The following PDE10A variants were observed in gnomAD, a reference collection of about 807,000 sequenced individuals.
The protein encoded by PDE10A is phosphodiesterase 10A.
PDE10A carries 39 observed loss-of-function variants against 97.7 expected under a neutral mutation model. The ratio of observed to expected loss-of-function variants is 0.40; its 90% CI spans 0.31 to 0.52. The LOEUF (loss-of-function observed/expected upper bound fraction) is 0.52. Among genes scored for constraint, PDE10A ranks in the 20% least tolerant of loss-of-function variants. The pLI is 0.56. For synonymous variants in PDE10A, 371 were observed against 376.8 expected (o/e 0.98, Z 0.18); for missense variants, 731 against 1,047.8 (o/e 0.70, Z 4.17).
chr6:165,894,165 G>A, intron 1 of PDE10A: 1 of 374,002 alleles, frequency 2.7e-6, no homozygotes, highest in Non-Finnish European at 5.3e-6. Flanking sequence ...TATGACAGCT[G>A]ATTTAGGAAC....
intron 5 of PDE10A, among the ~76,000 whole-genome samples, chr6:165,447,709 A>C (rs965078587): frequency 1.3e-5 from 2 of 152,230 alleles, no homozygotes; most frequent in African/African-American, 2.4e-5. Context: ...CAGTGTCTGA[A>C]ATATAGTTTA....
intron 1 of PDE10A, among the ~76,000 whole-genome samples, chr6:165,828,486 A>C (rs1028901009): frequency 1.3e-5 from 2 of 152,258 alleles, no homozygotes; most frequent in Non-Finnish European, 2.9e-5. Flanking sequence ...GTGTACATAC[A>C]TACACACATG....
At chr6:165,349,272 A>C (rs1352264493) in intron 18 of PDE10A, among the ~76,000 whole-genome samples, 1 of 152,160 alleles carries the variant, frequency 6.6e-6, no homozygotes, top group Non-Finnish European at 1.5e-5. Context: ...TTTGACCAAA[A>C]TGCTGACAGT....
intron 1 of PDE10A, among the ~76,000 whole-genome samples, chr6:165,640,585 A>C (rs1213331310): frequency 6.6e-6 from 1 of 152,244 alleles, no homozygotes; most frequent in Non-Finnish European, 1.5e-5. Context: ...ACCATTAGCC[A>C]TTAATAAGTG....
chr6:165,451,797 C>A (rs1270423816), intron 3 of PDE10A, among the ~76,000 whole-genome samples: 2 of 152,144 alleles, frequency 1.3e-5, no homozygotes, highest in Non-Finnish European at 2.9e-5. Context: ...GTGGAACAAA[C>A]CATTAAAGAT....
chr6:165,933,920 G>A (rs1464011649), intron 1 of PDE10A, among the ~76,000 whole-genome samples: 3 of 151,984 alleles, frequency 2.0e-5, no homozygotes, highest in African/African-American at 7.3e-5. Context: ...AGAGGGGTTT[G>A]TGAACATAAA....
intron 1 of PDE10A, among the ~76,000 whole-genome samples, chr6:165,676,113 GAAAC>G (rs1790787791): frequency 6.6e-6 from 1 of 152,122 alleles, no homozygotes; most frequent in Admixed American, 6.5e-5. Context: ...TATCTTAACT[GAAAC>G]AACTCAAAAC....
intron 2 of PDE10A, among the ~76,000 whole-genome samples, chr6:165,516,057 T>G (rs1781787098): frequency 6.6e-6 from 1 of 152,188 alleles, no homozygotes; most frequent in Non-Finnish European, 1.5e-5. Context: ...CTTTAAGAAT[T>G]TATCTCATCC....
intron 5 of PDE10A, among the ~76,000 whole-genome samples, chr6:165,444,729 A>G (rs1398973093): frequency 6.6e-6 from 1 of 151,854 alleles, no homozygotes; most frequent in African/African-American, 2.4e-5. Context: ...AACACATAGA[A>G]CTTTTTTCCT....
chr6:165,724,651 G>A (rs1230773406), intron 1 of PDE10A, among the ~76,000 whole-genome samples: 1 of 152,186 alleles, frequency 6.6e-6, no homozygotes, highest in Non-Finnish European at 1.5e-5. Context: ...AGGCTTACAA[G>A]AATAACTAAT....
intron 1 of PDE10A, among the ~76,000 whole-genome samples, chr6:165,862,226 C>T (rs35484997): frequency 0.036 from 5,419 of 152,216 alleles, 114 homozygotes; most frequent in Middle Eastern, 0.054. Context: ...AAAAATAATT[C>T]GGTGATTTTC....
At chr6:165,827,498 G>A (rs973594632) in intron 1 of PDE10A, among the ~76,000 whole-genome samples, 1 of 152,178 alleles carries the variant, frequency 6.6e-6, no homozygotes, top group Non-Finnish European at 1.5e-5. Context: ...CCCGCAAAAC[G>A]CCAAGGAAAC....
intron 1 of PDE10A, among the ~76,000 whole-genome samples, chr6:165,972,067 C>T (rs868460832): frequency 3.0e-4 from 45 of 152,162 alleles, no homozygotes; most frequent in African/African-American, 1.1e-3. Flanking sequence ...AAGGTACACG[C>T]TGTAACAAAG....
At chr6:165,952,389 A>G (rs1233544615) in intron 1 of PDE10A, among the ~76,000 whole-genome samples, 1 of 152,180 alleles carries the variant, frequency 6.6e-6, no homozygotes, top group Non-Finnish European at 1.5e-5. Context: ...AGGTGTTTGA[A>G]CCTGATAATG....
chr6:165,516,187 C>A (rs1781795754), intron 2 of PDE10A, among the ~76,000 whole-genome samples: 1 of 152,160 alleles, frequency 6.6e-6, no homozygotes, highest in Non-Finnish European at 1.5e-5. Context: ...ATAGCTCCAG[C>A]AATCTCTTCT....
intron 1 of PDE10A, among the ~76,000 whole-genome samples, chr6:165,617,720 G>A (rs1210441562): frequency 1.3e-5 from 2 of 152,102 alleles, no homozygotes; most frequent in East Asian, 1.9e-4. Context: ...GTCCCAGCAC[G>A]CAGATGTGAC....
intron 1 of PDE10A, among the ~76,000 whole-genome samples, chr6:165,563,122 G>A (rs1016774638): frequency 6.7e-6 from 1 of 149,852 alleles, no homozygotes; most frequent in African/African-American, 2.5e-5. Flanking sequence ...ATAAAAGTAT[G>A]GCATATAAGT....
chr6:165,525,971 T>C lies in PDE10A; in HGVS notation c.994+17469A>G, dbSNP rs113035024. ...TTTAAATTATAAAAACAGACAATTA[T>C]GGCCCCTCAATTAATTTCCAGACTT... On this transcript the variant is annotated intron_variant, in intron 2 of 21. Transcript: ENST00000539869. Among the ~76,000 whole-genome samples the C allele has an allele frequency of 4.3e-4, 65 of 152,272 alleles. 1 individual carries two copies. The highest frequency in any genetic ancestry group is 1.3e-3 in the African/African-American group (56 of 41,550).
intron 1 of PDE10A, among the ~76,000 whole-genome samples, chr6:165,782,935 A>C (rs1778383509): frequency 6.6e-6 from 1 of 152,154 alleles, no homozygotes; most frequent in African/African-American, 2.4e-5. Context: ...CCTATGCACA[A>C]ATACAGATGT....
Sources: gnomAD v4.1 joint callset for allele counts (sites outside exome capture counted in the v4.1 genomes callset) on GRCh38, gnomAD v4.1.1 for gene constraint, MANE v1.5 for transcripts, NCBI Gene and HGNC (gene_info 2026-07-23, HGNC 2026-07-21) for gene names.